CYP2A13: variants seen among roughly 807,000 people sequenced by gnomAD.
CYP2A13 encodes the protein cytochrome P450 2A13.
A neutral mutation model predicts 39.4 loss-of-function variants in CYP2A13; 30 were observed. That is an observed-to-expected ratio of 0.76 (90% CI 0.57 to 1.03). The LOEUF (loss-of-function observed/expected upper bound fraction) is 1.03, where lower values mean the gene tolerates loss of function less well. Ranked by LOEUF, CYP2A13 falls within the 50% of genes least tolerant of loss-of-function variation. The probability of loss-of-function intolerance (pLI) is 0.00; values close to 1 mark genes in which losing one functional copy is unlikely to be tolerated. For missense variants in CYP2A13, 731 were observed against 648.4 expected, an observed-to-expected ratio of 1.13 and a Z score of -1.38; for synonymous variants, 269 against 254.7, an observed-to-expected ratio of 1.06 and a Z score of -0.54.
chr19:41,089,844 C>G (rs1568366681), intron 2 of CYP2A13, among the ~76,000 whole-genome samples: 2 of 126,778 alleles, frequency 1.6e-5, no homozygotes, highest in African/African-American at 2.8e-5. Flanking sequence ...CTCTCTCTCT[C>G]TCTCTCTCTC....
In CYP2A13 at chr19:41,096,171, A is replaced by G; in HGVS notation, c.*230A>G. ...TTACAGTATGCTACAAAGAGTAGTA[A>G]TAATAGCAGCTCTTATTTCCTGAAC... On this transcript the variant is annotated 3_prime_UTR_variant, in exon 9 of 9. Transcript: ENST00000330436. The G allele has an allele frequency of 1.6e-6, 1 of 642,032 alleles. No homozygotes were observed. The highest frequency in any genetic ancestry group is 2.0e-5 in the South Asian group (1 of 49,518). 39.8% of individuals were successfully genotyped at this position (642,032 alleles called of 1,614,324 possible). A position where few individuals can be genotyped will look rare whatever the true frequency, so the allele number is the denominator to read the frequency against.
rs1191217520 is a variant in CYP2A13, at chr19:41,095,077, A to G, written c.1280A>G (p.Asp427Gly). ...LDKKGQFKKS[D>G]AFVPFSIGKR... is the part of the protein sequence containing the mutation. ...AAGAAGGGGCAGTTTAAGAAGAGTG[A>G]TGCTTTTGTGCCCTTTTCCATCGGT... The change falls in exon 8 of 9, where the codon GAT (aspartate) becomes GGT (glycine). Residue 427 changes from aspartate to glycine, a missense_variant. Transcript: ENST00000330436. 6.2e-6 allele frequency: 10 copies of G among 1,614,106 alleles called. No individual in the cohort carries two copies. Among genetic ancestry groups the G allele is most frequent in the Non-Finnish European group, 8.5e-6 (10 of 1,180,024 alleles).
At chr19:41,094,934 C>T (rs1383529358) in intron 7 of CYP2A13, 25 bp from the exon 8 acceptor site, 1 of 1,613,360 alleles carries the variant, frequency 6.2e-7, no homozygotes, top group Non-Finnish European at 8.5e-7. Context: ...TGCCTCATTA[C>T]ACACACCTTC....
In CYP2A13 at chr19:41,094,867, C is replaced by T. The variant is rs547265250; in HGVS notation, c.1162-92C>T. 1.3e-5 allele frequency: 19 copies of T among 1,484,342 alleles called. No individual in the cohort carries two copies. In the Admixed American group the frequency reaches 3.0e-4, roughly 24 times the overall value. The allele number at this position is 1,484,342 out of a possible 1,614,324, so 91.9% of individuals were successfully genotyped here. A position where few individuals can be genotyped will look rare whatever the true frequency, so the allele number is the denominator to read the frequency against. ...CCTCCATGCCTGCCACTCCCCTCAC[C>T]TGGGGCACCCTAGTTCCCCCTGCAG... On this transcript the variant is annotated intron_variant, in intron 7 of 8. Coordinates refer to ENST00000330436, the MANE Select transcript of CYP2A13 (RefSeq NM_000766.5).
intron 1 of CYP2A13, 116 bp from the exon 2 acceptor site, chr19:41,088,813 C>T: frequency 6.5e-7 from 1 of 1,547,354 alleles, no homozygotes; most frequent in South Asian, 1.3e-5. Flanking sequence ...TTGGGATGTC[C>T]AGCTCCCTGA....
rs758306132 is a variant in CYP2A13 at position 41,091,841 on chromosome 19, A to G, written c.764A>G (p.Asn255Ser). Residue 255 changes from asparagine (N) to serine (S), a missense_variant, in exon 5 of 9, where the codon AAC becomes AGC. Coordinates refer to ENST00000330436, the MANE Select transcript of CYP2A13 (RefSeq NM_000766.5). Reference sequence around the variant, plus strand: ...TTCATCGCCAAGAAGGTGGAGCACAACCAGCGCACGCTGGATCCCAATTCC... The same window carrying G: ...TTCATCGCCAAGAAGGTGGAGCACAGCCAGCGCACGCTGGATCCCAATTCC... Reference protein sequence around the residue: ...EDFIAKKVEHNQRTLDPNSPR... With the variant: ...EDFIAKKVEHSQRTLDPNSPR... The G allele has an allele frequency of 6.2e-7, 1 of 1,614,186 alleles. No homozygotes were observed. The highest frequency in any genetic ancestry group is 1.7e-5 in the Admixed American group (1 of 60,020).
chr19:41,092,009 C>T, intron 5 of CYP2A13, 101 bp downstream of exon 5: 2 of 1,520,654 alleles, frequency 1.3e-6, no homozygotes, highest in South Asian at 1.3e-5. Context: ...CAAATTAGCC[C>T]TCGTCATAAT....
At chr19:41,089,852 CT>C (rs2031137908) in intron 2 of CYP2A13, among the ~76,000 whole-genome samples, 194 bp from the exon 3 acceptor site, 3 of 123,028 alleles carry the variant, frequency 2.4e-5, no homozygotes, top group African/African-American at 9.0e-5. Context: ...CTCTCTCTCT[CT>C]CTCTCTCTCT....
At chr19:41,094,133 C>A in intron 6 of CYP2A13, 112 bp from the exon 7 acceptor site, 1 of 1,485,540 alleles carries the variant, frequency 6.7e-7, no homozygotes, top group South Asian at 1.3e-5. Context: ...TATGAATGGT[C>A]TACCTCCGTG....
chr19:41,090,298 G>A lies in CYP2A13; in HGVS notation c.493+102G>A, dbSNP rs1004718486. On this transcript the variant is annotated intron_variant, in intron 3 of 8. Coordinates refer to ENST00000330436, the MANE Select transcript of CYP2A13 (RefSeq NM_000766.5). Reference sequence around the variant, plus strand: ...GCCCGCACTTCCAGCCCTGGAGTCTGGCGCTGGGATTCGGCTCAACAGGGC... The same window carrying A: ...GCCCGCACTTCCAGCCCTGGAGTCTAGCGCTGGGATTCGGCTCAACAGGGC... The A allele has an allele frequency of 6.3e-6, 10 of 1,577,774 alleles. No homozygotes were observed. In the African/African-American group the frequency reaches 1.4e-4, roughly 21 times the overall value.
rs375561847 is a variant in CYP2A13 at position 41,094,233 on chromosome 19, C to T, written c.974-12C>T. 2.9e-5 allele frequency: 47 copies of T among 1,613,416 alleles called. No homozygotes were observed. Among genetic ancestry groups the T allele is most frequent in the Middle Eastern group, 1.6e-4 (1 of 6,074 alleles). On this transcript the variant is annotated splice_polypyrimidine_tract_variant and intron_variant, in intron 6 of 8. Transcript: ENST00000330436. The stretch of plus-strand genomic sequence containing the variant: ...CCCCTAGACACCTAAACACATTCCC[C>T]TCCTCCCCCAGCCAAGGTCCATGAG...
chr19:41,090,566 TA>T lies in CYP2A13; in HGVS notation c.654+4del. 4.3e-6 allele frequency: 7 copies of T among 1,613,966 alleles called. No homozygotes were observed. Among genetic ancestry groups the T allele is most frequent in the Non-Finnish European group, 5.9e-6 (7 of 1,179,918 alleles). ...TTCACGGCAACCTCCACGGGGCAGG[TA>T]ACTGGCTGCAGCCCGCCAGTGACGC... On this transcript the variant is annotated splice_donor_region_variant and intron_variant, in intron 4 of 8. Coordinates refer to ENST00000330436, the MANE Select transcript of CYP2A13 (RefSeq NM_000766.5).
At chr19:41,094,551 A>C (rs1300948809) in intron 7 of CYP2A13, 119 bp downstream of exon 7, 21 of 1,190,050 alleles carry the variant, frequency 1.8e-5, no homozygotes, top group Admixed American at 2.3e-5. Context: ...TCAATCAGTC[A>C]AAAAAGACTT....
intron 4 of CYP2A13, among the ~76,000 whole-genome samples, chr19:41,091,356 A>ATACC (rs577890283): frequency 2.1e-3 from 318 of 152,254 alleles, no homozygotes; most frequent in African/African-American, 7.3e-3. Flanking sequence ...GAATGCCTAA[A>ATACC]TACCTAGACA....
In CYP2A13 at chr19:41,088,749, G is replaced by GA; in HGVS notation, c.180+98_180+99insA. On this transcript the variant is annotated intron_variant, in intron 1 of 8. Transcript: ENST00000330436. ...TTGACCAGTGTGGACCAGAGTCTTA[G>GA]GAAAGGGAGTCTTGGAGTTTCAGCA... is the stretch of plus-strand genomic sequence containing the variant. 13 of 1,545,616 alleles carry GA rather than the reference G, an allele frequency of 8.4e-6. No homozygotes were observed. In the South Asian group the frequency reaches 1.3e-4, roughly 15 times the overall value.
intron 8 of CYP2A13, 135 bp downstream of exon 8, chr19:41,095,235 C>T: frequency 6.5e-7 from 1 of 1,548,176 alleles, no homozygotes; most frequent in Non-Finnish European, 8.9e-7. Context: ...ATTGAGCCGC[C>T]ACCAGCTGAT....
rs3885816 is a variant in CYP2A13, at chr19:41,093,760, C to T, written c.962C>T (p.Pro321Leu). 2.5e-5 allele frequency: 41 copies of T among 1,613,876 alleles called. 1 individual carries two copies. In the South Asian group the frequency reaches 4.5e-4, roughly 18 times the overall value. ...GGTTTCCTGCTGCTCATGAAGCACC[C>T]AGAGGTGGAGGGTAAGACTGGAAAG... Reference protein sequence around the residue: ...RYGFLLLMKHPEVEAKVHEEI... With the variant: ...RYGFLLLMKHLEVEAKVHEEI... Residue 321 changes from proline (P) to leucine (L), a missense_variant, in exon 6 of 9, where the codon CCA becomes CTA. Coordinates refer to ENST00000330436, the MANE Select transcript of CYP2A13 (RefSeq NM_000766.5).
chr19:41,093,135 G>A (rs1263072507), intron 5 of CYP2A13, among the ~76,000 whole-genome samples: 2 of 151,878 alleles, frequency 1.3e-5, no homozygotes, highest in Non-Finnish European at 2.9e-5. Context: ...AGCCCAGGGT[G>A]GGCAGAGGTT....
intron 7 of CYP2A13, 90 bp downstream of exon 7, chr19:41,094,522 T>C: frequency 6.8e-7 from 1 of 1,469,412 alleles, no homozygotes; most frequent in Non-Finnish European, 9.5e-7. Flanking sequence ...ATTAGTGTTC[T>C]AGACTCTGTC....
Sources: allele counts gnomAD v4.1 joint callset (sites outside exome capture counted in the v4.1 genomes callset), GRCh38; gene constraint gnomAD v4.1.1; transcripts MANE v1.5; gene names NCBI Gene and HGNC (gene_info 2026-07-23, HGNC 2026-07-21).